The following TMC1 variants were observed in gnomAD, a reference collection of about 807,000 sequenced individuals.
The protein encoded by TMC1 is transmembrane channel-like protein 1.
In TMC1, 84 loss-of-function variants were observed where a neutral mutation model predicts 105.8. That is an observed-to-expected ratio of 0.79 (90% CI 0.67 to 0.95). TMC1 has a LOEUF of 0.95. Ranked by LOEUF, TMC1 falls within the 40% of genes least tolerant of loss-of-function variation. The pLI is 0.00. For synonymous variants in TMC1, 315 were observed against 311.5 expected (o/e 1.01, Z -0.12); for missense variants, 817 against 914.1 (o/e 0.89, Z 1.37).
In TMC1 at chr9:72,753,334, AC is replaced by A. The variant is rs1205387899; in HGVS notation, c.642+1379del. Among the ~76,000 whole-genome samples, 11 of 135,698 alleles carry A rather than the reference AC, an allele frequency of 8.1e-5. No individual in the cohort carries two copies. The East Asian group carries it at 2.3e-3, about 29-fold the overall frequency. 89.0% of individuals were successfully genotyped at this position (135,698 alleles called of 152,430 possible). On this transcript the variant is annotated intron_variant, in intron 11 of 23. Transcript: ENST00000297784. ...GCTTACCTTTCTAAGGAAATCTGAA[AC>A]TCCTCCATTCCATCACTGGCTACTA...
At chr9:72,746,219 C>A (rs568283315) in intron 10 of TMC1, among the ~76,000 whole-genome samples, 1 of 152,082 alleles carries the variant, frequency 6.6e-6, no homozygotes, top group Non-Finnish European at 1.5e-5. Context: ...TATTCCATTT[C>A]GACATCAGAA....
intron 5 of TMC1, among the ~76,000 whole-genome samples, chr9:72,659,063 T>C (rs990917038): frequency 6.6e-6 from 1 of 152,168 alleles, no homozygotes; most frequent in African/African-American, 2.4e-5. Flanking sequence ...AGAGGAAATA[T>C]AAATCAGAAG....
chr9:72,696,897 G>A (rs1826560449), intron 7 of TMC1, among the ~76,000 whole-genome samples: 1 of 152,102 alleles, frequency 6.6e-6, no homozygotes, highest in African/African-American at 2.4e-5. Flanking sequence ...ATTTAGATGA[G>A]GCATGCCTAT....
intron 2 of TMC1, among the ~76,000 whole-genome samples, chr9:72,615,029 A>G (rs1219675115): frequency 6.6e-6 from 1 of 152,204 alleles, no homozygotes; most frequent in Non-Finnish European, 1.5e-5. Flanking sequence ...TCATTTTAGG[A>G]TAATTCTGAT....
intron 23 of TMC1, among the ~76,000 whole-genome samples, chr9:72,834,158 A>G (rs561191093): frequency 6.6e-6 from 1 of 150,842 alleles, no homozygotes; most frequent in African/African-American, 2.4e-5. Context: ...CACTTTTGCT[A>G]TCATAATTTT....
intron 12 of TMC1, among the ~76,000 whole-genome samples, chr9:72,767,189 C>T (rs574007413): frequency 1.7e-4 from 26 of 152,324 alleles, no homozygotes; most frequent in Middle Eastern, 3.4e-3. Context: ...CTTGCAGTGT[C>T]ACCTCCCCTC....
chr9:72,697,179 C>CT (rs779055992), intron 7 of TMC1, among the ~76,000 whole-genome samples: 1 of 152,062 alleles, frequency 6.6e-6, no homozygotes, highest in Admixed American at 6.5e-5. Flanking sequence ...TTTTAGTGTA[C>CT]TTTGAGCACT....
At chr9:72,756,413 GT>G (rs1475931034) in intron 12 of TMC1, among the ~76,000 whole-genome samples, 2 of 152,188 alleles carry the variant, frequency 1.3e-5, no homozygotes, top group Admixed American at 1.3e-4. Context: ...TGGCCTCTGA[GT>G]TGGATTTTAC....
intron 8 of TMC1, among the ~76,000 whole-genome samples, chr9:72,724,877 G>A (rs1308095605): frequency 6.6e-6 from 1 of 152,042 alleles, no homozygotes; most frequent in Non-Finnish European, 1.5e-5. Flanking sequence ...TTTTGGAAAG[G>A]TAGTTAAAAG....
intron 3 of TMC1, among the ~76,000 whole-genome samples, chr9:72,627,447 C>T (rs1825367764): frequency 6.6e-6 from 1 of 152,070 alleles, no homozygotes; most frequent in African/African-American, 2.4e-5. Flanking sequence ...AAGTAGATCC[C>T]ACTGCAGTGG....
intron 23 of TMC1, among the ~76,000 whole-genome samples, chr9:72,831,222 C>T (rs565371375): frequency 6.6e-6 from 1 of 152,114 alleles, no homozygotes; most frequent in African/African-American, 2.4e-5. Context: ...TTGAGTTCCC[C>T]ACGGAAAGGT....
chr9:72,561,955 C>T (rs1824059815), intron 1 of TMC1, among the ~76,000 whole-genome samples: 1 of 151,544 alleles, frequency 6.6e-6, no homozygotes, highest in Non-Finnish European at 1.5e-5. Flanking sequence ...ATACAGTCAG[C>T]TATGATCCTG....
intron 5 of TMC1, among the ~76,000 whole-genome samples, chr9:72,658,275 G>A (rs1336893210): frequency 1.3e-5 from 2 of 151,466 alleles, no homozygotes; most frequent in African/African-American, 4.9e-5. Flanking sequence ...CAATTGAATT[G>A]TAGAAGCAAT....
intron 19 of TMC1, among the ~76,000 whole-genome samples, chr9:72,820,263 G>C (rs954116861): frequency 9.2e-5 from 14 of 152,160 alleles, no homozygotes; most frequent in Admixed American, 6.5e-5. Context: ...ACATCAGAAA[G>C]AGAAAATTTA....
chr9:72,649,971 T>G (rs557703097), intron 5 of TMC1, among the ~76,000 whole-genome samples: 1 of 152,342 alleles, frequency 6.6e-6, no homozygotes, highest in South Asian at 2.1e-4. Context: ...TTCCTGCTGT[T>G]TATTAGTGCT....
chr9:72,710,808 A>G (rs1345297548), intron 8 of TMC1, among the ~76,000 whole-genome samples: 1 of 152,100 alleles, frequency 6.6e-6, no homozygotes, highest in Non-Finnish European at 1.5e-5. Flanking sequence ...ATTATACTTT[A>G]CATTCTGGGG....
At chr9:72,781,716 A>C (rs1828096125) in intron 13 of TMC1, among the ~76,000 whole-genome samples, 1 of 152,214 alleles carries the variant, frequency 6.6e-6, no homozygotes, top group South Asian at 2.1e-4. Context: ...ACTTAGAAGA[A>C]ATGGATAAAT....
At chr9:72,806,756 C>G (rs572810877) in intron 18 of TMC1, among the ~76,000 whole-genome samples, 1 of 150,138 alleles carries the variant, frequency 6.7e-6, no homozygotes, top group African/African-American at 2.5e-5. Context: ...GGCGGCCGGG[C>G]GGAGACGCTC....
chr9:72,624,814 G>A (rs1258657874), intron 3 of TMC1, among the ~76,000 whole-genome samples: 1 of 152,208 alleles, frequency 6.6e-6, no homozygotes, highest in African/African-American at 2.4e-5. Context: ...TGGCTTAACT[G>A]CATCTACCCT....
Sources: allele counts gnomAD v4.1 joint callset (sites outside exome capture counted in the v4.1 genomes callset), GRCh38; gene constraint gnomAD v4.1.1; transcripts MANE v1.5; gene names NCBI Gene and HGNC (gene_info 2026-07-23, HGNC 2026-07-21).